The following PIGN variants were observed in gnomAD, a reference collection of about 807,000 sequenced individuals.
The protein encoded by PIGN is phosphatidylinositol glycan anchor biosynthesis class N, also known as GPI ethanolamine phosphate transferase 1.
In PIGN, 117 loss-of-function variants were observed where a neutral mutation model predicts 125.4. That is an observed-to-expected ratio of 0.93 (90% CI 0.80 to 1.09). PIGN has a LOEUF of 1.09. Among genes scored for constraint, PIGN ranks in the 50% least tolerant of loss-of-function variants. The pLI, the probability that PIGN is intolerant of heterozygous loss-of-function variation, is 0.00. For missense variants in PIGN, 1,075 were observed against 1,094.9 expected (o/e 0.98, Z 0.26); for synonymous variants, 392 against 377.8 (o/e 1.04, Z -0.44).
chr18:62,161,045 G>A (rs2036933156), intron 4 of PIGN, 88 bp downstream of exon 4: 2 of 815,352 alleles, frequency 2.5e-6, no homozygotes, highest in African/African-American at 1.7e-5. Flanking sequence ...CCTGTGCCCA[G>A]TGCATGATAA....
At chr18:62,035,305 A>G (rs1283911120) in intron 23 of PIGN, among the ~76,000 whole-genome samples, 1 of 152,220 alleles carries the variant, frequency 6.6e-6, no homozygotes, top group African/African-American at 2.4e-5. Context: ...ACCCCAAAGA[A>G]AAGCAATGGC....
intron 28 of PIGN, among the ~76,000 whole-genome samples, chr18:62,076,699 GT>G (rs1206436736): frequency 1.3e-5 from 2 of 152,014 alleles, no homozygotes; most frequent in East Asian, 3.9e-4. Flanking sequence ...ATAAATAATT[GT>G]TTTTCTAACC....
chr18:62,139,102 G>T, intron 12 of PIGN, 27 bp from the exon 13 acceptor site: 1 of 1,406,632 alleles, frequency 7.1e-7, no homozygotes, highest in Non-Finnish European at 1.0e-6. Context: ...CCAGCTTATT[G>T]ATAGTATTCA....
chr18:62,147,745 C>T (rs1210622780), intron 8 of PIGN, among the ~76,000 whole-genome samples: 1 of 152,066 alleles, frequency 6.6e-6, no homozygotes, highest in Admixed American at 6.5e-5. Context: ...GAGAAAAATA[C>T]TTGCTGTCAT....
At chr18:62,179,805 A>C (rs2037654986) in intron 1 of PIGN, among the ~76,000 whole-genome samples, 2 of 152,128 alleles carry the variant, frequency 1.3e-5, no homozygotes, top group African/African-American at 4.8e-5. Flanking sequence ...GATTACATTA[A>C]TATTATAATC....
chr18:62,138,625 C>T (rs2036021802), intron 13 of PIGN, among the ~76,000 whole-genome samples: 1 of 152,146 alleles, frequency 6.6e-6, no homozygotes, highest in Admixed American at 6.5e-5. Context: ...CAAAGGGTCA[C>T]CTCTTTAAAT....
chr18:62,107,115 T>TTC, intron 17 of PIGN, 30 bp from the exon 18 acceptor site: 1 of 1,395,810 alleles, frequency 7.2e-7, no homozygotes, highest in Non-Finnish European at 1.0e-6. Flanking sequence ...TGATTGAATT[T>TTC]TAAAGTTAGG....
Position 62,178,611 on chromosome 18 carries a change from A to AAAG in PIGN, c.-236+8230_-236+8232dup, listed in dbSNP as rs1261971442. ...TAGCAAGACCCACTTAAAAAAAAAA[A>AAAG]AAGAAGAAGAGGAAAGAAAAACTGT... On this transcript the variant is annotated intron_variant, in intron 1 of 30. Transcript: ENST00000640252. Among the ~76,000 whole-genome samples the AAAG allele has an allele frequency of 2.6e-5, 4 of 151,094 alleles. No homozygotes were observed. The East Asian group carries it at 5.8e-4, about 22-fold the overall frequency.
chr18:62,127,180 C>T (rs907842233), intron 14 of PIGN, among the ~76,000 whole-genome samples: 4 of 152,100 alleles, frequency 2.6e-5, no homozygotes, highest in African/African-American at 9.7e-5. Context: ...GATACAGGTG[C>T]TCCTCAACTT....
chr18:62,186,541 T>C (rs1189912535), intron 1 of PIGN, among the ~76,000 whole-genome samples: 3 of 152,162 alleles, frequency 2.0e-5, no homozygotes, highest in Admixed American at 6.5e-5. Flanking sequence ...AACCTCAGCG[T>C]TCCCTTTTCC....
At chr18:62,062,091 A>G (rs2032184885) in intron 30 of PIGN, among the ~76,000 whole-genome samples, 1 of 152,200 alleles carries the variant, frequency 6.6e-6, no homozygotes, top group Non-Finnish European at 1.5e-5. Context: ...TAACTTAGCA[A>G]TAAGAAAAAC....
At chr18:62,170,158 C>T (rs2037299908) in intron 1 of PIGN, among the ~76,000 whole-genome samples, 1 of 152,184 alleles carries the variant, frequency 6.6e-6, no homozygotes, top group Non-Finnish European at 1.5e-5. Flanking sequence ...GCTTACTGAT[C>T]TACCATTTGT....
chr18:62,160,671 C>T (rs1297035957), intron 4 of PIGN, among the ~76,000 whole-genome samples: 2 of 152,044 alleles, frequency 1.3e-5, no homozygotes, highest in Admixed American at 6.5e-5. Context: ...CCACCCCCAG[C>T]TAATTTTTTG....
chr18:62,183,914 C>G (rs2037806403), intron 1 of PIGN, among the ~76,000 whole-genome samples: 1 of 151,246 alleles, frequency 6.6e-6, no homozygotes, highest in Non-Finnish European at 1.5e-5. Flanking sequence ...GCAGTTATTA[C>G]AAAATATCAG....
intron 23 of PIGN, among the ~76,000 whole-genome samples, chr18:62,034,577 C>T (rs966145264): frequency 1.3e-5 from 2 of 152,182 alleles, no homozygotes; most frequent in African/African-American, 4.8e-5. Flanking sequence ...TCAGTGTGAC[C>T]TGGATGTGAG....
chr18:62,152,707 T>C (rs2036579858), intron 7 of PIGN, among the ~76,000 whole-genome samples: 1 of 152,096 alleles, frequency 6.6e-6, no homozygotes, highest in African/African-American at 2.4e-5. Flanking sequence ...AATGGTTGTA[T>C]GGATACTCAA....
At chr18:62,139,161 A>C in intron 12 of PIGN, 86 bp from the exon 13 acceptor site, 6 of 712,956 alleles carry the variant, frequency 8.4e-6, no homozygotes, top group Non-Finnish European at 1.4e-5. Flanking sequence ...AAAGCAATAA[A>C]GATAAGGCAT....
intron 1 of PIGN, among the ~76,000 whole-genome samples, chr18:62,182,305 T>C (rs2037745884): frequency 6.9e-6 from 1 of 144,476 alleles, no homozygotes; most frequent in Non-Finnish European, 1.5e-5. Context: ...TTTATAAATC[T>C]ACATGGACGT....
chr18:62,186,448 C>G (rs985380320), intron 1 of PIGN: 1 of 152,236 alleles, frequency 6.6e-6, no homozygotes, highest in Non-Finnish European at 1.5e-5. Context: ...TTGTGTAAAT[C>G]GTGTATTAAA....
Sources: gnomAD v4.1 joint callset for allele counts (sites outside exome capture counted in the v4.1 genomes callset) on GRCh38, gnomAD v4.1.1 for gene constraint, MANE v1.5 for transcripts, NCBI Gene and HGNC (gene_info 2026-07-23, HGNC 2026-07-21) for gene names.